The following LHFPL2 variants were observed in gnomAD, a reference collection of about 807,000 sequenced individuals.
The protein encoded by LHFPL2 is LHFPL tetraspan subfamily member 2 protein.
LHFPL2 carries 7 observed loss-of-function variants against 17.5 expected under a neutral mutation model. That is an observed-to-expected ratio of 0.40 (90% CI 0.23 to 0.75). The LOEUF (loss-of-function observed/expected upper bound fraction) is 0.75, where lower values mean the gene tolerates loss of function less well. Among genes scored for constraint, LHFPL2 ranks in the 30% least tolerant of loss-of-function variants. The probability of loss-of-function intolerance (pLI) is 0.37; values close to 1 mark genes in which losing one functional copy is unlikely to be tolerated. For missense variants in LHFPL2, 241 were observed against 294.8 expected (o/e 0.82, Z 1.34); for synonymous variants, 134 against 116.2 (o/e 1.15, Z -0.99).
rs565436146 is a variant in LHFPL2, at chr5:78,602,728, C to T, written c.-245+29536G>A. On this transcript the variant is annotated intron_variant, in intron 2 of 4. Transcript: ENST00000380345. ...AACAACCTGCCAATGCTGCCTGCAACCCAGCCCAGAGGTCTACACCACTTG... is the reference window on the plus strand; with the variant it reads ...AACAACCTGCCAATGCTGCCTGCAATCCAGCCCAGAGGTCTACACCACTTG... Among the ~76,000 whole-genome samples the T allele has an allele frequency of 3.4e-4, 52 of 151,908 alleles. No individual in the cohort carries two copies. In the South Asian group the frequency reaches 0.011, roughly 31 times the overall value.
At chr5:78,561,171 T>A (rs1756715367) in intron 3 of LHFPL2, among the ~76,000 whole-genome samples, 1 of 152,266 alleles carries the variant, frequency 6.6e-6, no homozygotes, top group African/African-American at 2.4e-5. Context: ...GTTTAAAATT[T>A]ATAAAATTTA....
chr5:78,531,094 A>T (rs1235505738), intron 3 of LHFPL2, among the ~76,000 whole-genome samples: 3 of 152,228 alleles, frequency 2.0e-5, no homozygotes, highest in Admixed American at 2.0e-4. Flanking sequence ...ATATTTTATT[A>T]TACAATATTC....
chr5:78,642,470 G>A (rs1175406807), intron 1 of LHFPL2, among the ~76,000 whole-genome samples: 1 of 152,162 alleles, frequency 6.6e-6, no homozygotes, highest in Non-Finnish European at 1.5e-5. Context: ...CTGGTCATTT[G>A]AGGCTAAAGT....
chr5:78,609,878 T>C (rs1410459016), intron 2 of LHFPL2, among the ~76,000 whole-genome samples: 1 of 151,952 alleles, frequency 6.6e-6, no homozygotes, highest in Non-Finnish European at 1.5e-5. Context: ...GTGGACAGAA[T>C]AATAGCCATC....
At chr5:78,640,472 C>T (rs171035) in intron 1 of LHFPL2, among the ~76,000 whole-genome samples, 81,117 of 151,962 alleles carry the variant, frequency 0.53, 22,379 homozygotes, top group African/African-American at 0.69. Flanking sequence ...TGAGTAGGAA[C>T]GTCAGTTCTG....
chr5:78,536,937 T>C (rs1194898311), intron 3 of LHFPL2, among the ~76,000 whole-genome samples: 1 of 152,188 alleles, frequency 6.6e-6, no homozygotes, highest in Non-Finnish European at 1.5e-5. Flanking sequence ...GCCTTCAGTC[T>C]TCCTTAAAGC....
At chr5:78,609,820 A>G (rs1744354982) in intron 2 of LHFPL2, among the ~76,000 whole-genome samples, 1 of 151,030 alleles carries the variant, frequency 6.6e-6, no homozygotes. Flanking sequence ...TTTATTTTGA[A>G]AGAAAAAAAG....
At chr5:78,543,907 TTTGATTGTCTC>T (rs1756188894) in intron 3 of LHFPL2, among the ~76,000 whole-genome samples, 1 of 152,216 alleles carries the variant, frequency 6.6e-6, no homozygotes, top group South Asian at 2.1e-4. Context: ...TGACTTTGCC[TTTGATTGTCTC>T]TTGCAATTCC....
chr5:78,502,400 C>G lies in LHFPL2; in HGVS notation c.430+7384G>C, dbSNP rs80296279. On this transcript the variant is annotated intron_variant, in intron 4 of 4. Coordinates refer to ENST00000380345, the MANE Select transcript of LHFPL2 (RefSeq NM_005779.3). Reference sequence around the variant, plus strand: ...TTACTTCTGCTAGCAGTTTTTAAAGCCTTAACTCTAGAACGTTGAAATACA... The same window carrying G: ...TTACTTCTGCTAGCAGTTTTTAAAGGCTTAACTCTAGAACGTTGAAATACA... 4.6e-4 allele frequency among the ~76,000 whole-genome samples: 70 copies of G among 152,298 alleles called. No individual in the cohort carries two copies. The East Asian group carries it at 0.013, about 27-fold the overall frequency.
chr5:78,580,545 G>A (rs1337723744), intron 2 of LHFPL2, among the ~76,000 whole-genome samples: 3 of 149,654 alleles, frequency 2.0e-5, no homozygotes, highest in Admixed American at 6.7e-5. Context: ...AAGGGATCCA[G>A]TTTCAGCTTT....
chr5:78,525,703 C>T (rs759864103), intron 3 of LHFPL2, among the ~76,000 whole-genome samples: 7 of 152,148 alleles, frequency 4.6e-5, no homozygotes, highest in Non-Finnish European at 8.8e-5. Flanking sequence ...AATATCCTGA[C>T]ACAAAGAGGA....
chr5:78,632,650 T>C (rs557928753), intron 1 of LHFPL2, among the ~76,000 whole-genome samples: 1 of 152,332 alleles, frequency 6.6e-6, no homozygotes, highest in South Asian at 2.1e-4. Flanking sequence ...GTCTTCTATA[T>C]GCCAGGTACC....
At chr5:78,492,548 C>A (rs1454187080) in intron 4 of LHFPL2, among the ~76,000 whole-genome samples, 2 of 152,218 alleles carry the variant, frequency 1.3e-5, no homozygotes, top group Non-Finnish European at 2.9e-5. Context: ...CTGAGCCCAG[C>A]CAGGAGCATT....
chr5:78,606,041 G>A (rs1744201864), intron 2 of LHFPL2, among the ~76,000 whole-genome samples: 1 of 152,198 alleles, frequency 6.6e-6, no homozygotes. Flanking sequence ...CAAAAATTCT[G>A]TGCTCCTATG....
intron 3 of LHFPL2, among the ~76,000 whole-genome samples, chr5:78,517,057 C>T (rs1021000687): frequency 1.1e-4 from 17 of 152,196 alleles, no homozygotes; most frequent in African/African-American, 3.9e-4. Context: ...TCAGGAGGTA[C>T]TCAGGTGGCC....
intron 2 of LHFPL2, among the ~76,000 whole-genome samples, chr5:78,616,985 C>A (rs1345307850): frequency 6.6e-6 from 1 of 152,192 alleles, no homozygotes; most frequent in Non-Finnish European, 1.5e-5. Context: ...TGTCACAAGT[C>A]CCTTTTAATG....
intron 2 of LHFPL2, among the ~76,000 whole-genome samples, chr5:78,630,354 T>C (rs1745196550): frequency 6.6e-6 from 1 of 152,222 alleles, no homozygotes; most frequent in Non-Finnish European, 1.5e-5. Flanking sequence ...AAACATTCAG[T>C]AACATCTCAA....
chr5:78,629,612 G>A (rs1745172324), intron 2 of LHFPL2, among the ~76,000 whole-genome samples: 2 of 152,216 alleles, frequency 1.3e-5, no homozygotes, highest in Non-Finnish European at 2.9e-5. Context: ...AAGGCTGAGG[G>A]AGGATGTGCC....
At chr5:78,569,104 T>C (rs1246611427) in intron 2 of LHFPL2, among the ~76,000 whole-genome samples, 2 of 152,178 alleles carry the variant, frequency 1.3e-5, no homozygotes, top group East Asian at 1.9e-4. Context: ...TCTTATTAAG[T>C]ATTATCTCCT....
Sources: allele counts gnomAD v4.1 joint callset (sites outside exome capture counted in the v4.1 genomes callset), GRCh38; gene constraint gnomAD v4.1.1; transcripts MANE v1.5; gene names NCBI Gene and HGNC (gene_info 2026-07-23, HGNC 2026-07-21).